Variants in MYO5B observed in about 807,000 individuals in gnomAD.
MYO5B encodes the protein unconventional myosin-Vb.
MYO5B carries 143 observed loss-of-function variants against 229.3 expected under a neutral mutation model. That is an observed-to-expected ratio of 0.62 (90% CI 0.54 to 0.72). The LOEUF is 0.72. Ranked by LOEUF, MYO5B falls within the 30% of genes least tolerant of loss-of-function variation. The probability of loss-of-function intolerance (pLI) is 0.00; values close to 1 mark genes in which losing one functional copy is unlikely to be tolerated. For synonymous variants in MYO5B, 918 were observed against 885.2 expected, an observed-to-expected ratio of 1.04 and a Z score of -0.66; for missense variants, 2,321 against 2,331.0, an observed-to-expected ratio of 1.00 and a Z score of 0.09.
At chr18:49,911,491 A>G (rs1285995286) in intron 18 of MYO5B, among the ~76,000 whole-genome samples, 1 of 152,264 alleles carries the variant, frequency 6.6e-6, no homozygotes, top group Non-Finnish European at 1.5e-5. Flanking sequence ...TTACCTAGAT[A>G]GCTTGTTTAC....
At chr18:50,178,492 T>A (rs2033027959) in intron 1 of MYO5B, among the ~76,000 whole-genome samples, 1 of 152,144 alleles carries the variant, frequency 6.6e-6, no homozygotes, top group African/African-American at 2.4e-5. Flanking sequence ...AGCAGGGAAG[T>A]GCAACAACTG....
At chr18:50,103,186 T>C (rs2031688156) in intron 1 of MYO5B, among the ~76,000 whole-genome samples, 1 of 152,264 alleles carries the variant, frequency 6.6e-6, no homozygotes, top group Admixed American at 6.5e-5. Context: ...GGCAAAGCCA[T>C]GACCTCAACA....
chr18:50,005,842 T>C (rs1218105711), intron 4 of MYO5B, among the ~76,000 whole-genome samples: 1 of 152,200 alleles, frequency 6.6e-6, no homozygotes, highest in African/African-American at 2.4e-5. Context: ...TCAATATATA[T>C]GCTTCTATGC....
Position 49,853,468 on chromosome 18 carries a change from C to A in MYO5B, c.4202G>T (p.Arg1401Leu). 6.2e-7 allele frequency: 1 copy of A among 1,613,890 alleles called. No homozygotes were observed. The highest frequency in any genetic ancestry group is 8.5e-7 in the Non-Finnish European group (1 of 1,179,992). The stretch of plus-strand genomic sequence containing the variant: ...ACCCACCAGATTCTCGTTGGTCAGC[C>A]GGGATATTTCCTGCTGAACGCCGAA... ...VEFGVQQEISRLTNENLDLKE... is the reference protein window; with the variant it reads ...VEFGVQQEISLLTNENLDLKE... Residue 1401 changes from arginine (R) to leucine (L), a missense_variant, in exon 31 of 40, where the codon CGG (arginine) becomes CTG (leucine). Around this residue, in one of 2 missense-constraint regions of MYO5B, gnomAD observed 2,113 missense variants for 2,044.7 expected, o/e 1.03. Transcript: ENST00000285039.
At chr18:50,093,724 G>A (rs1286700480) in intron 1 of MYO5B, among the ~76,000 whole-genome samples, 4 of 151,912 alleles carry the variant, frequency 2.6e-5, no homozygotes, top group East Asian at 3.9e-4. Flanking sequence ...ACCTCTGGTC[G>A]TCCTCAGCGC....
intron 1 of MYO5B, among the ~76,000 whole-genome samples, chr18:50,070,015 A>G (rs76950483): frequency 0.01 from 1,359 of 134,380 alleles, 27 homozygotes; most frequent in African/African-American, 0.038. Context: ...ATTGCAATTT[A>G]GTCTTTTTTT....
chr18:49,921,938 G>A (rs934844967), intron 17 of MYO5B, among the ~76,000 whole-genome samples: 4 of 152,216 alleles, frequency 2.6e-5, no homozygotes, highest in Non-Finnish European at 5.9e-5. Flanking sequence ...ATCAAAGAGG[G>A]CCATTGAAGT....
rs1467458539 is a variant in MYO5B, at chr18:50,165,551, G to A, written c.27+29216C>T. On this transcript the variant is annotated intron_variant, in intron 1 of 39. Coordinates refer to ENST00000285039, the MANE Select transcript of MYO5B (RefSeq NM_001080467.3). ...ATGACTTTGGGAGGCCAAGGCAGGC[G>A]GATCACTTAAGGTCACGAGTTCAAG... 3.9e-5 allele frequency among the ~76,000 whole-genome samples: 6 copies of A among 152,258 alleles called. No homozygotes were observed. The South Asian group carries it at 8.3e-4, about 21-fold the overall frequency.
chr18:50,012,745 C>G (rs2026175596), intron 4 of MYO5B, among the ~76,000 whole-genome samples: 1 of 152,222 alleles, frequency 6.6e-6, no homozygotes. Context: ...CTTCTCTTCT[C>G]CTGGGTGACA....
chr18:50,062,164 T>C (rs992749544), intron 1 of MYO5B, among the ~76,000 whole-genome samples: 2 of 145,976 alleles, frequency 1.4e-5, no homozygotes, highest in Admixed American at 1.4e-4. Context: ...TAATTACACA[T>C]GAAAAAAAAA....
chr18:50,189,115 C>T (rs1426493279), intron 1 of MYO5B, among the ~76,000 whole-genome samples: 1 of 152,156 alleles, frequency 6.6e-6, no homozygotes, highest in Non-Finnish European at 1.5e-5. Flanking sequence ...TCTTTTCAGC[C>T]TTTCCTGGGA....
At chr18:49,878,172 GA>G (rs1171308516) in intron 24 of MYO5B, among the ~76,000 whole-genome samples, 3 of 152,014 alleles carry the variant, frequency 2.0e-5, no homozygotes, top group African/African-American at 4.8e-5. Context: ...TCTTGCTCTT[GA>G]AATGCACAAA....
chr18:49,974,798 G>GACACACACACACACAGACACAC (rs1555648481), intron 9 of MYO5B, among the ~76,000 whole-genome samples, 183 bp from the exon 10 acceptor site: 48 of 131,094 alleles, frequency 3.7e-4, no homozygotes, highest in African/African-American at 1.3e-3. Flanking sequence ...CACACACACA[G>GACACACACACACACAGACACAC]ACACACACAC....
chr18:50,166,093 T>C (rs2032847451), intron 1 of MYO5B, among the ~76,000 whole-genome samples: 1 of 152,200 alleles, frequency 6.6e-6, no homozygotes, highest in African/African-American at 2.4e-5. Flanking sequence ...CATCACCTTA[T>C]GCCAGGTACA....
intron 1 of MYO5B, among the ~76,000 whole-genome samples, chr18:50,167,926 A>G (rs1302120964): frequency 6.6e-6 from 1 of 152,200 alleles, no homozygotes. Flanking sequence ...CATAAAGGCC[A>G]CTGCTGCCCT....
chr18:50,052,090 C>G (rs889786561), intron 2 of MYO5B, among the ~76,000 whole-genome samples: 2 of 152,178 alleles, frequency 1.3e-5, no homozygotes, highest in African/African-American at 4.8e-5. Context: ...AATAGGAACA[C>G]TTTTACACTG....
chr18:50,106,022 C>CAA (rs2031753710), intron 1 of MYO5B, among the ~76,000 whole-genome samples: 1 of 152,066 alleles, frequency 6.6e-6, no homozygotes, highest in African/African-American at 2.4e-5. Flanking sequence ...TCATACTATT[C>CAA]AAGCCATAAC....
intron 5 of MYO5B, among the ~76,000 whole-genome samples, chr18:50,000,754 C>T (rs912371869): frequency 6.6e-6 from 1 of 152,204 alleles, no homozygotes; most frequent in Admixed American, 6.5e-5. Context: ...TTCTGAGGAG[C>T]TTCAACAGAT....
intron 39 of MYO5B, 47 bp from the exon 40 acceptor site, chr18:49,826,670 T>C: frequency 6.2e-7 from 1 of 1,607,470 alleles, no homozygotes; most frequent in Non-Finnish European, 8.5e-7. Flanking sequence ...CCCCTAAAAA[T>C]AGCCAGTTTA....
Sources: gnomAD v4.1 joint callset for allele counts (sites outside exome capture counted in the v4.1 genomes callset) on GRCh38, gnomAD v4.1.1 for gene constraint, gnomAD v4.1.1 regional missense constraint, MANE v1.5 for transcripts, NCBI Gene and HGNC (gene_info 2026-07-23, HGNC 2026-07-21) for gene names.